The following HTR2B variants were observed in gnomAD, a reference collection of about 807,000 sequenced individuals.
The protein encoded by HTR2B is 5-HT 2B receptor.
Under a neutral mutation model 39.8 loss-of-function variants are expected in HTR2B, and 31 were observed. The observed-to-expected ratio is 0.78, with a 90% CI of 0.58 to 1.05. The LOEUF (loss-of-function observed/expected upper bound fraction) is 1.05. Ranked by LOEUF, HTR2B falls within the 50% of genes least tolerant of loss-of-function variation. The pLI is 0.00. For synonymous variants in HTR2B, 210 were observed against 207.1 expected, an observed-to-expected ratio of 1.01 and a Z score of -0.12; for missense variants, 562 against 578.0, an observed-to-expected ratio of 0.97 and a Z score of 0.28.
Position 231,123,565 on chromosome 2 carries a change from G to A in HTR2B, c.200C>T (p.Pro67Leu). The A allele has an allele frequency of 1.2e-6, 2 of 1,613,998 alleles. No individual in the cohort carries two copies. The highest frequency in any genetic ancestry group is 1.7e-6 in the Non-Finnish European group (2 of 1,179,910). The part of the protein sequence containing the change: ...AALLILMVII[P>L]TIGGNTLVIL... ...AACAAGGGTATTTCCACCAATTGTG[G>A]GTATTATCACCATGAGTATCAGAAG... is the stretch of plus-strand genomic sequence containing the variant. The change falls in exon 2 of 4, where the codon CCC (proline) becomes CTC (leucine). Residue 67 changes from proline to leucine, a missense_variant. Pro to Leu is a moderately conservative substitution (Grantham distance 98, BLOSUM62 -3). Transcript: ENST00000258400.
rs750741971 is a variant in HTR2B, at chr2:231,113,714, G to A, written c.553+15C>T. The A allele has an allele frequency of 2.5e-6, 4 of 1,606,214 alleles. No homozygotes were observed. The highest frequency in any genetic ancestry group is 3.4e-6 in the Non-Finnish European group (4 of 1,173,352). ...GATTTTGTATACCACCCACACTCTG[G>A]CATTCTCTACATACCTATTGAAATT... On this transcript the variant is annotated intron_variant, in intron 3 of 3. Coordinates refer to ENST00000258400, the MANE Select transcript of HTR2B (RefSeq NM_000867.5).
Position 231,123,905 on chromosome 2 carries a change from A to C in HTR2B, c.-141T>G. 1.4e-6 allele frequency: 1 copy of C among 710,042 alleles called. No homozygotes were observed. Among genetic ancestry groups the C allele is most frequent in the Admixed American group, 2.1e-5 (1 of 48,350 alleles). 44.0% of individuals were successfully genotyped at this position (710,042 alleles called of 1,614,324 possible). On this transcript the variant is annotated 5_prime_UTR_variant, in exon 2 of 4. Coordinates refer to ENST00000258400, the MANE Select transcript of HTR2B (RefSeq NM_000867.5). ...AGTTGACACCTTCCTTTAAAAAAAA[A>C]AATTCAAGTTCTCTAAAATGAGCGC...
At chr2:231,117,480 G>A (rs1695382210) in intron 2 of HTR2B, among the ~76,000 whole-genome samples, 1 of 152,068 alleles carries the variant, frequency 6.6e-6, no homozygotes, top group African/African-American at 2.4e-5. Context: ...TAGCATTTCT[G>A]TCAATGCCTG....
At chr2:231,116,321 C>T (rs539443070) in intron 2 of HTR2B, among the ~76,000 whole-genome samples, 1 of 152,180 alleles carries the variant, frequency 6.6e-6, no homozygotes, top group South Asian at 2.1e-4. Flanking sequence ...TAGGAAAATA[C>T]TCGTCTAGAG....
Position 231,109,351 on chromosome 2 carries a change from AT to A in HTR2B, c.611del (p.Asn204IlefsTer6). On this transcript the variant is annotated frameshift_variant, in exon 4 of 4. Transcript: ENST00000258400. LOFTEE classifies it high-confidence loss of function. ...GIETDVDNPN[N>X]ITCVLTKERF... ...GTTCCTTTGTCAGCACACAAGTGAT[AT>A]TGTTTGGGTTGTCCACATCAGTCTC... 1 of 1,614,096 alleles carries A rather than the reference AT, an allele frequency of 6.2e-7. No individual in the cohort carries two copies. The highest frequency in any genetic ancestry group is 8.5e-7 in the Non-Finnish European group (1 of 1,179,994).
intron 2 of HTR2B, among the ~76,000 whole-genome samples, chr2:231,119,879 A>AG (rs1172650621): frequency 5.3e-5 from 8 of 151,634 alleles, no homozygotes; most frequent in Non-Finnish European, 1.2e-4. Context: ...CAAAAAAAAA[A>AG]AAAAAAAAAA....
In HTR2B at chr2:231,109,482, T is replaced by C. The variant is rs1574736229; in HGVS notation, c.554-73A>G. ...ACTCTTCGATTAGATCCTTTTGGAT[T>C]GTATCCTTATAACTTTATGCTTGTT... On this transcript the variant is annotated intron_variant, in intron 3 of 3. Transcript: ENST00000258400. 2.3e-6 allele frequency: 3 copies of C among 1,285,142 alleles called. No individual in the cohort carries two copies. In the East Asian group the frequency reaches 7.0e-5, roughly 30 times the overall value. The allele number at this position is 1,285,142 out of a possible 1,614,324, so 79.6% of individuals were successfully genotyped here.
At chr2:231,118,874 T>C (rs528070099) in intron 2 of HTR2B, among the ~76,000 whole-genome samples, 17 of 152,362 alleles carry the variant, frequency 1.1e-4, no homozygotes, top group African/African-American at 3.6e-4. Context: ...CATGAACTTA[T>C]TGCAGCAGGA....
chr2:231,123,176 T>C lies in HTR2B; in HGVS notation c.352+237A>G, dbSNP rs149397382. 2.0e-3 allele frequency among the ~76,000 whole-genome samples: 307 copies of C among 152,280 alleles called. 1 individual carries two copies. The highest frequency in any genetic ancestry group is 7.0e-3 in the African/African-American group (292 of 41,564). ...TAACTTGAATGACTTTTTAAATGAT[T>C]TTATTAGATAGCTTAGGAGGGAGAA... On this transcript the variant is annotated intron_variant, in intron 2 of 3. Transcript: ENST00000258400.
chr2:231,109,100 C>A lies in HTR2B; in HGVS notation c.863G>T (p.Arg288Leu), dbSNP rs770644825. Reference sequence around the variant, plus strand: ...TGAGTTGGGCAGAGCCTTGTCCTTTCGAGAACCATCCAGCATTGCCACCTT... The same window carrying A: ...TGAGTTGGGCAGAGCCTTGTCCTTTAGAGAACCATCCAGCATTGCCACCTT... The part of the protein sequence containing the change: ...PEKVAMLDGS[R>L]KDKALPNSGD... Residue 288 changes from arginine (R) to leucine (L), a missense_variant, in exon 4 of 4, where the codon CGA (arginine) becomes CTA (leucine). Transcript: ENST00000258400. 1.9e-6 allele frequency: 3 copies of A among 1,614,040 alleles called. No homozygotes were observed. The highest frequency in any genetic ancestry group is 2.5e-6 in the Non-Finnish European group (3 of 1,180,010).
At position 231,108,568 on chromosome 2, in the gene HTR2B, G is replaced by T; in HGVS notation, c.1395C>A (p.Leu465=). 6.2e-7 allele frequency: 1 copy of T among 1,614,004 alleles called. No homozygotes were observed. Among genetic ancestry groups the T allele is most frequent in the Non-Finnish European group, 8.5e-7 (1 of 1,179,970 alleles). Residue 465 remains leucine (L), a synonymous_variant, in exon 4 of 4, where the codon CTC becomes CTA. Transcript: ENST00000258400. ...TTTTGTCACCTTCATTTTCAGTGAGGAGAAGCGTATCTAGTAGAATGATTG... is the reference window on the plus strand; with the variant it reads ...TTTTGTCACCTTCATTTTCAGTGAGTAGAAGCGTATCTAGTAGAATGATTG... ...SSSIILLDTL[L]LTENEGDKTE... is the part of the protein sequence containing the mutation.
Position 231,123,734 on chromosome 2 carries a change from G to C in HTR2B, c.31C>G (p.Gln11Glu). 6.2e-7 allele frequency: 1 copy of C among 1,613,966 alleles called. No homozygotes were observed. Among genetic ancestry groups the C allele is most frequent in the Non-Finnish European group, 8.5e-7 (1 of 1,179,860 alleles). ...AAAATGTGCTCAGGAATTGTGCTTT[G>C]AAGTTCAGACACTCTGTAAGAGAGA... MALSYRVSEL[Q>E]STIPEHILQS... The change falls in exon 2 of 4, where the codon CAA (glutamine) becomes GAA (glutamate). Residue 11 changes from glutamine (Q) to glutamate (E), a missense_variant. By Grantham distance (29) the Gln-to-Glu change is conservative. Transcript: ENST00000258400.
intron 3 of HTR2B, 104 bp downstream of exon 3, chr2:231,113,625 G>A (rs1019468504): frequency 1.2e-5 from 12 of 973,954 alleles, no homozygotes; most frequent in South Asian, 1.3e-5. Flanking sequence ...AGGCTGGCTT[G>A]ACCTCTCATG....
At chr2:231,119,856 C>T (rs774385870) in intron 2 of HTR2B, among the ~76,000 whole-genome samples, 3 of 107,974 alleles carry the variant, frequency 2.8e-5, no homozygotes, top group Non-Finnish European at 3.3e-5. Flanking sequence ...GGCAACAGAA[C>T]GAGACTCCGT....
chr2:231,124,382 A>T (rs1695664868), intron 1 of HTR2B, among the ~76,000 whole-genome samples: 1 of 152,158 alleles, frequency 6.6e-6, no homozygotes, highest in Non-Finnish European at 1.5e-5. Flanking sequence ...TTACTTACAG[A>T]AGAATAGAAA....
chr2:231,112,173 C>T (rs1159637069), intron 3 of HTR2B, among the ~76,000 whole-genome samples: 1 of 152,188 alleles, frequency 6.6e-6, no homozygotes, highest in Non-Finnish European at 1.5e-5. Flanking sequence ...CTCACACTCT[C>T]CCTTGCCCTC....
Position 231,113,725 on chromosome 2 carries a change from A to C in HTR2B, c.553+4T>G. On this transcript the variant is annotated splice_donor_region_variant and intron_variant, in intron 3 of 3. Transcript: ENST00000258400. The stretch of plus-strand genomic sequence containing the variant: ...CCACCCACACTCTGGCATTCTCTAC[A>C]TACCTATTGAAATTAACCACACCAC... 6.2e-7 allele frequency: 1 copy of C among 1,612,152 alleles called. No individual in the cohort carries two copies. The highest frequency in any genetic ancestry group is 8.5e-7 in the Non-Finnish European group (1 of 1,178,324).
chr2:231,112,423 A>G (rs1399803109), intron 3 of HTR2B, among the ~76,000 whole-genome samples: 1 of 152,230 alleles, frequency 6.6e-6, no homozygotes, highest in South Asian at 2.1e-4. Context: ...TTTTCTTCCC[A>G]TACCAGAGGA....
In HTR2B at chr2:231,123,512, G is replaced by C. The variant is rs267599259; in HGVS notation, c.253C>G (p.Leu85Val). The C allele has an allele frequency of 1.2e-6, 2 of 1,614,088 alleles. No homozygotes were observed. The highest frequency in any genetic ancestry group is 4.5e-5 in the East Asian group (2 of 44,882). ...VILAVSLEKK[L>V]QYATNYFLMS... The stretch of plus-strand genomic sequence containing the variant: ...AGAAAGTAATTAGTAGCATACTGCA[G>C]CTTCTTCTCCAGTGAAACAGCCAGA... The change falls in exon 2 of 4, where the codon CTG becomes GTG. Residue 85 changes from leucine to valine, a missense_variant. By Grantham distance (32) the Leu-to-Val change is conservative. Coordinates refer to ENST00000258400, the MANE Select transcript of HTR2B (RefSeq NM_000867.5).
Sources: allele counts gnomAD v4.1 joint callset (sites outside exome capture counted in the v4.1 genomes callset), GRCh38; gene constraint gnomAD v4.1.1; transcripts MANE v1.5; gene names NCBI Gene and HGNC (gene_info 2026-07-23, HGNC 2026-07-21).